Variants in RPF2 observed in about 807,000 individuals in gnomAD.
RPF2 encodes the protein brix domain containing 1.
Under a neutral mutation model 38.9 loss-of-function variants are expected in RPF2, and 21 were observed. That is an observed-to-expected ratio of 0.54 (90% confidence interval 0.38 to 0.78). RPF2 has a LOEUF of 0.78. Ranked by LOEUF, RPF2 falls within the 30% of genes least tolerant of loss-of-function variation. RPF2 has a pLI of 0.00. For missense variants in RPF2, 314 were observed against 358.1 expected (o/e 0.88, Z 0.99); for synonymous variants, 121 against 126.2 (o/e 0.96, Z 0.28).
rs1772353678 is a variant in RPF2 at position 111,027,497 on chromosome 6, T to C, written c.*1915T>C. The stretch of plus-strand genomic sequence containing the variant: ...GCATAGTCCTTCCCCAAAGCCTCGC[T>C]CATCACTGGTAGGAGGCAAAGCAGT... On this transcript the variant is annotated 3_prime_UTR_variant, in exon 10 of 10. Coordinates refer to ENST00000441448, the MANE Select transcript of RPF2 (RefSeq NM_032194.3). 6.6e-6 allele frequency: 1 copy of C among 152,136 alleles called. No homozygotes were observed. The highest frequency in any genetic ancestry group is 6.6e-5 in the Admixed American group (1 of 15,244). 9.4% of individuals were successfully genotyped at this position (152,136 alleles called of 1,614,324 possible). A position where few individuals can be genotyped will look rare whatever the true frequency, so the allele number is the denominator to read the frequency against.
chr6:111,023,787 A>G (rs1037514949), intron 8 of RPF2, among the ~76,000 whole-genome samples: 1 of 152,238 alleles, frequency 6.6e-6, no homozygotes, highest in South Asian at 2.1e-4. Context: ...GGAGAGCGAG[A>G]CCATCCTGGC....
chr6:111,010,144 T>G (rs2114333214), intron 7 of RPF2, among the ~76,000 whole-genome samples: 1 of 151,732 alleles, frequency 6.6e-6, no homozygotes, highest in Admixed American at 6.6e-5. Flanking sequence ...TTTTTTTCTT[T>G]TTAGACAGCA....
At chr6:111,005,159 A>G (rs968823967) in intron 6 of RPF2, among the ~76,000 whole-genome samples, 3 of 152,186 alleles carry the variant, frequency 2.0e-5, no homozygotes, top group Non-Finnish European at 4.4e-5. Flanking sequence ...TCTCCTAAGT[A>G]TAGACCGTTA....
At chr6:111,007,257 T>C (rs969295425) in intron 6 of RPF2, among the ~76,000 whole-genome samples, 34 of 152,190 alleles carry the variant, frequency 2.2e-4, no homozygotes, top group South Asian at 2.1e-4. Flanking sequence ...TGTTGTGTTA[T>C]GTTTTGTTTT....
At chr6:111,003,086 C>G (rs1007912052) in intron 6 of RPF2, among the ~76,000 whole-genome samples, 42 of 145,652 alleles carry the variant, frequency 2.9e-4, no homozygotes, top group Non-Finnish European at 5.6e-4. Context: ...TTTACCCCCC[C>G]CCCTTTTTTT....
At chr6:111,024,443 G>GCC in intron 9 of RPF2, 116 bp downstream of exon 9, 1 of 969,732 alleles carries the variant, frequency 1.0e-6, no homozygotes, top group Non-Finnish European at 1.4e-6. Flanking sequence ...GCCAGGCGCG[G>GCC]TGGCTCACGC....
At chr6:111,018,208 G>A (rs1200052204) in intron 8 of RPF2, among the ~76,000 whole-genome samples, 1 of 149,618 alleles carries the variant, frequency 6.7e-6, no homozygotes, top group African/African-American at 2.5e-5. Context: ...CCGGGGAGGG[G>A]GAGGGGGAGG....
chr6:111,012,197 TCA>T (rs1035231045), intron 7 of RPF2, among the ~76,000 whole-genome samples: 1 of 146,726 alleles, frequency 6.8e-6, no homozygotes, highest in Non-Finnish European at 1.5e-5. Flanking sequence ...AGACAGGGTC[TCA>T]CTCTGTTGCC....
chr6:111,011,293 TTTCTTTCTTTCTTTC>T (rs1255899127), intron 7 of RPF2, among the ~76,000 whole-genome samples: 2 of 143,594 alleles, frequency 1.4e-5, no homozygotes, highest in Non-Finnish European at 3.1e-5. Context: ...TCTTTCTTTC[TTTCTTTCTTTCTTTC>T]TTTTTTTTTT....
rs543545647 is a variant in RPF2 at position 111,000,724 on chromosome 6, A to G, written c.393+937A>G. Among the ~76,000 whole-genome samples, 49 of 152,290 alleles carry G rather than the reference A, an allele frequency of 3.2e-4. 1 individual carries two copies. In the South Asian group the frequency reaches 1.0e-2, roughly 31 times the overall value. ...AAATACATTATTTCACCTAGACCTC[A>G]TAGCAATCTGGGTAAGGCCTAAGTA... On this transcript the variant is annotated intron_variant, in intron 6 of 9. Transcript: ENST00000441448.
chr6:110,984,012 G>A (rs1394934733), intron 1 of RPF2, among the ~76,000 whole-genome samples: 3 of 152,140 alleles, frequency 2.0e-5, no homozygotes, highest in Non-Finnish European at 4.4e-5. Flanking sequence ...CTGGGCGACA[G>A]AGCGAGACTC....
intron 6 of RPF2, among the ~76,000 whole-genome samples, chr6:111,005,365 G>GTCAT (rs555942234): frequency 1.2e-4 from 19 of 152,154 alleles, no homozygotes; most frequent in African/African-American, 1.7e-4. Context: ...CAGACCAACA[G>GTCAT]TCATTCACCT....
chr6:110,999,149 T>A (rs914600942), intron 5 of RPF2, among the ~76,000 whole-genome samples: 1 of 152,118 alleles, frequency 6.6e-6, no homozygotes, highest in Admixed American at 6.6e-5. Flanking sequence ...CTCTTCGGGC[T>A]CTCAGCATCC....
chr6:110,997,620 A>G (rs536563451), intron 5 of RPF2, among the ~76,000 whole-genome samples: 1 of 152,232 alleles, frequency 6.6e-6, no homozygotes, highest in Admixed American at 6.6e-5. Context: ...GCGTGCCTGT[A>G]GTCCAGCTAC....
chr6:111,024,035 G>T, intron 8 of RPF2, 148 bp from the exon 9 acceptor site: 1 of 619,698 alleles, frequency 1.6e-6, no homozygotes. Flanking sequence ...GGATATACTT[G>T]GCTTGAATAG....
Position 111,025,464 on chromosome 6 carries a change from T to C in RPF2, c.803T>C (p.Met268Thr). 1.9e-6 allele frequency: 3 copies of C among 1,613,316 alleles called. No individual in the cohort carries two copies. Among genetic ancestry groups the C allele is most frequent in the Non-Finnish European group, 2.5e-6 (3 of 1,179,516 alleles). Residue 268 changes from methionine (M) to threonine (T), a missense_variant, in exon 10 of 10, where the codon ATG becomes ACG. Coordinates refer to ENST00000441448, the MANE Select transcript of RPF2 (RefSeq NM_032194.3). ...TFGTTYGRIHMQKQDLSKLQT... is the reference protein window; with the variant it reads ...TFGTTYGRIHTQKQDLSKLQT... ...GGTACAACTTATGGAAGGATTCATATGCAGAAGCAAGACCTAAGCAAACTA... is the reference window on the plus strand; with the variant it reads ...GGTACAACTTATGGAAGGATTCATACGCAGAAGCAAGACCTAAGCAAACTA...
chr6:111,003,450 C>G (rs1310997083), intron 6 of RPF2, among the ~76,000 whole-genome samples: 1 of 152,010 alleles, frequency 6.6e-6, no homozygotes, highest in Non-Finnish European at 1.5e-5. Flanking sequence ...ACCACCATGC[C>G]CAGCTAATTT....
intron 6 of RPF2, among the ~76,000 whole-genome samples, chr6:111,001,361 CAT>C (rs1367691372): frequency 6.6e-6 from 1 of 151,930 alleles, no homozygotes; most frequent in Non-Finnish European, 1.5e-5. Flanking sequence ...TGGAAGCCCT[CAT>C]ATTATTTTTC....
chr6:111,025,144 T>G lies in RPF2; in HGVS notation c.742-259T>G, dbSNP rs148291351. On this transcript the variant is annotated intron_variant, in intron 9 of 9. Transcript: ENST00000441448. ...TAGTTTTGTTTTTCAAAGTGTGGCC[T>G]GACAGTTTACCTGGGAATTGTGCAG... Among the ~76,000 whole-genome samples, 7 of 152,364 alleles carry G rather than the reference T, an allele frequency of 4.6e-5. No homozygotes were observed. In the East Asian group the frequency reaches 1.2e-3, roughly 25 times the overall value.
Sources: allele counts gnomAD v4.1 joint callset (sites outside exome capture counted in the v4.1 genomes callset), GRCh38; gene constraint gnomAD v4.1.1; transcripts MANE v1.5; gene names NCBI Gene and HGNC (gene_info 2026-07-23, HGNC 2026-07-21).